Variants in FNTB observed in about 807,000 individuals in gnomAD.
FNTB encodes the protein protein farnesyltransferase subunit beta.
In FNTB, 27 loss-of-function variants were observed where a neutral mutation model predicts 59.4. That is an observed-to-expected ratio of 0.45 (90% CI 0.34 to 0.63). The LOEUF (loss-of-function observed/expected upper bound fraction) is 0.63, where lower values mean the gene tolerates loss of function less well. Among genes scored for constraint, FNTB ranks in the 20% least tolerant of loss-of-function variants. The probability of loss-of-function intolerance (pLI) is 0.02; values close to 1 mark genes in which losing one functional copy is unlikely to be tolerated. For synonymous variants in FNTB, 230 were observed against 220.7 expected (o/e 1.04, Z -0.37); for missense variants, 449 against 559.6 (o/e 0.80, Z 1.99).
At chr14:65,060,870 CAAAAAAAAAA>C (rs58241887) in intron 11 of FNTB, among the ~76,000 whole-genome samples, 12 of 79,596 alleles carry the variant, frequency 1.5e-4, no homozygotes, top group African/African-American at 4.4e-4. Context: ...AAGACTCTCT[CAAAAAAAAAA>C]AAAAAAAAAA....
chr14:65,051,361 G>C (rs2062604654), intron 9 of FNTB, among the ~76,000 whole-genome samples: 1 of 152,180 alleles, frequency 6.6e-6, no homozygotes, highest in African/African-American at 2.4e-5. Flanking sequence ...TGTAATCCCA[G>C]TACTTTGGGA....
intron 11 of FNTB, among the ~76,000 whole-genome samples, chr14:65,056,709 T>C (rs2062744708): frequency 6.6e-6 from 1 of 152,216 alleles, no homozygotes; most frequent in Non-Finnish European, 1.5e-5. Context: ...GTATTTGTAG[T>C]TCTCTGTATA....
intron 4 of FNTB, among the ~76,000 whole-genome samples, chr14:65,024,844 A>G (rs2061950884): frequency 6.6e-6 from 1 of 152,096 alleles, no homozygotes; most frequent in Non-Finnish European, 1.5e-5. Context: ...GTCTTGAACT[A>G]CTGGCTTCAA....
At chr14:65,017,966 TAAATA>T (rs1226338874) in intron 4 of FNTB, among the ~76,000 whole-genome samples, 2 of 151,932 alleles carry the variant, frequency 1.3e-5, no homozygotes, top group African/African-American at 4.8e-5. Flanking sequence ...AAAAAATAAA[TAAATA>T]AAATACATAA....
rs2061612893 is a variant in FNTB at position 65,007,528 on chromosome 14, C to G, written c.209+3215C>G. 6.6e-6 allele frequency among the ~76,000 whole-genome samples: 1 copy of G among 152,230 alleles called. No individual in the cohort carries two copies. Among genetic ancestry groups the G allele is most frequent in the African/African-American group, 2.4e-5 (1 of 41,462 alleles). ...CTGAATAGCAGACTGGGCTGAAAGT[C>G]AAGCCTGGAGCTGAATGTCAGTACA... On this transcript the variant is annotated intron_variant, in intron 2 of 11. Transcript: ENST00000246166. The surrounding 1 kb of genome is among the most constrained non-coding windows in gnomAD (Gnocchi z 4.9).
intron 7 of FNTB, among the ~76,000 whole-genome samples, chr14:65,037,956 G>C (rs1184791146): frequency 6.6e-6 from 1 of 150,550 alleles, no homozygotes; most frequent in South Asian, 2.1e-4. Flanking sequence ...ATTTTTACGG[G>C]GTTTCGCCAT....
intron 4 of FNTB, among the ~76,000 whole-genome samples, chr14:65,017,460 G>A (rs1014820809): frequency 2.6e-5 from 4 of 152,132 alleles, no homozygotes; most frequent in Admixed American, 2.0e-4. Flanking sequence ...GGGTGCCTGA[G>A]GTGGAAGAAC....
In FNTB at chr14:65,010,781, C is replaced by G. The variant is rs186969377; in HGVS notation, c.210-1536C>G. 3.9e-5 allele frequency among the ~76,000 whole-genome samples: 6 copies of G among 152,190 alleles called. No homozygotes were observed. The East Asian group carries it at 1.2e-3, about 29-fold the overall frequency. ...TGTTTGTTTTTAAACTGGGGCAGTA[C>G]TCCTGCTTTCCTCCCATTCCTCTTT... On this transcript the variant is annotated intron_variant, in intron 2 of 11. Transcript: ENST00000246166.
In FNTB at chr14:65,000,838, A is replaced by AAAAAAG. The variant is rs778200008; in HGVS notation, c.145-3408_145-3407insAAGAAA. Reference sequence around the variant, plus strand: ...CTCAAAAAAAAAAAAAAAAAAAAAAAAAAGAATAGTTACCCAAAAAGCTGG... The same window carrying AAAAAAG: ...CTCAAAAAAAAAAAAAAAAAAAAAAAAAAAAGAAAGAATAGTTACCCAAAAAGCTGG... On this transcript the variant is annotated intron_variant, in intron 1 of 11. Transcript: ENST00000246166. Among the ~76,000 whole-genome samples, 18 of 116,088 alleles carry AAAAAAG rather than the reference A, an allele frequency of 1.6e-4. 1 individual carries two copies. Among genetic ancestry groups the AAAAAAG allele is most frequent in the Non-Finnish European group, 2.8e-4 (14 of 49,732 alleles). 76.2% of individuals were successfully genotyped at this position (116,088 alleles called of 152,430 possible). A position where few individuals can be genotyped will look rare whatever the true frequency, so the allele number is the denominator to read the frequency against.
intron 4 of FNTB, chr14:65,022,061 C>T: frequency 2.2e-6 from 1 of 455,998 alleles, no homozygotes; most frequent in Non-Finnish European, 4.4e-6. Context: ...GCAGAGGCCA[C>T]CCGGAATCAA....
chr14:65,004,278 C>A lies in FNTB; in HGVS notation c.174C>A (p.Val58=). The stretch of plus-strand genomic sequence containing the variant: ...AAGTAGAAGAAAAGATCCAAGAGGT[C>A]TTCAGTTCTTACAAGTTCAACCACC... ...QAKVEEKIQE[V]FSSYKFNHLV... is the part of the protein sequence containing the mutation. Residue 58 remains valine (V), a synonymous_variant, in exon 2 of 12, where the codon GTC becomes GTA. Transcript: ENST00000246166. The A allele has an allele frequency of 6.2e-7, 1 of 1,613,352 alleles. No homozygotes were observed. The highest frequency in any genetic ancestry group is 1.1e-5 in the South Asian group (1 of 90,914).
intron 3 of FNTB, among the ~76,000 whole-genome samples, chr14:65,013,566 A>G (rs546080748): frequency 1.3e-5 from 2 of 152,276 alleles, no homozygotes; most frequent in Admixed American, 1.3e-4. Flanking sequence ...CTCATAATTT[A>G]TGAGATGGAG....
At chr14:64,995,387 G>T (rs952120699) in intron 1 of FNTB, among the ~76,000 whole-genome samples, 1 of 152,174 alleles carries the variant, frequency 6.6e-6, no homozygotes, top group African/African-American at 2.4e-5. Flanking sequence ...TCATTATCAA[G>T]TGTTATGTAC....
At chr14:65,022,673 T>C (rs2061910707) in intron 4 of FNTB, among the ~76,000 whole-genome samples, 1 of 151,206 alleles carries the variant, frequency 6.6e-6, no homozygotes, top group Admixed American at 6.6e-5. Flanking sequence ...AGCCAAATAC[T>C]TAAAAAAAAA....
rs943156801 is a variant in FNTB at position 65,032,466 on chromosome 14, C to T, written c.606-144C>T. On this transcript the variant is annotated intron_variant, in intron 6 of 11. Transcript: ENST00000246166. The surrounding 1 kb of genome is among the most constrained non-coding windows in gnomAD (Gnocchi z 5.0). ...ATGTCACACCTCTCAGTTGGAGACC[C>T]AGGAGGACTGACCGTGTGCCAAGAG... is the stretch of plus-strand genomic sequence containing the variant. 1.5e-5 allele frequency: 11 copies of T among 735,400 alleles called. No individual in the cohort carries two copies. Among genetic ancestry groups the T allele is most frequent in the Non-Finnish European group, 2.1e-6 (1 of 476,788 alleles). 45.6% of individuals were successfully genotyped at this position (735,400 alleles called of 1,614,324 possible).
intron 1 of FNTB, among the ~76,000 whole-genome samples, chr14:64,999,078 A>G (rs1447069924): frequency 6.6e-6 from 1 of 152,270 alleles, no homozygotes; most frequent in Non-Finnish European, 1.5e-5. Flanking sequence ...GCCAGCCACA[A>G]AAGACCACAG....
At chr14:65,061,037 C>G (rs1194762351) in intron 11 of FNTB, 144 bp from the exon 12 acceptor site, 7 of 1,337,938 alleles carry the variant, frequency 5.2e-6, no homozygotes, top group African/African-American at 1.5e-5. Flanking sequence ...TTAGCAAATA[C>G]ACCATTTTTG....
rs2061763886 is a variant in FNTB, at chr14:65,015,856, G to A, written c.374+140G>A. 11 of 895,876 alleles carry A rather than the reference G, an allele frequency of 1.2e-5. No individual in the cohort carries two copies. The Admixed American group carries it at 2.6e-4, about 21-fold the overall frequency. The allele number at this position is 895,876 out of a possible 1,614,324, so 55.5% of individuals were successfully genotyped here. The stretch of plus-strand genomic sequence containing the variant: ...AATCTTTGCTCTTCTCATGACCTCC[G>A]GCAACTTCCTGAAACTCCTCCACTT... On this transcript the variant is annotated intron_variant, in intron 4 of 11. Coordinates refer to ENST00000246166, the MANE Select transcript of FNTB (RefSeq NM_002028.4).
intron 11 of FNTB, among the ~76,000 whole-genome samples, chr14:65,057,130 C>A (rs2139686489): frequency 6.6e-6 from 1 of 152,322 alleles, no homozygotes; most frequent in East Asian, 1.9e-4. Flanking sequence ...AGGGATCCAC[C>A]CCTCAAACCC....
Sources: gnomAD v4.1 joint callset for allele counts (sites outside exome capture counted in the v4.1 genomes callset) on GRCh38, gnomAD v4.1.1 for gene constraint, Gnocchi (gnomAD v3.1) non-coding constraint, MANE v1.5 for transcripts, NCBI Gene and HGNC (gene_info 2026-07-23, HGNC 2026-07-21) for gene names.